OGT: variants seen among roughly 807,000 people sequenced by gnomAD.
OGT encodes O-linked N-acetylglucosamine (GlcNAc) transferase.
Under a neutral mutation model 75.8 loss-of-function variants are expected in OGT, and 3 were observed. The ratio of observed to expected loss-of-function variants is 0.04; its 90% CI spans 0.02 to 0.10. OGT has a LOEUF of 0.10. Ranked by LOEUF, OGT falls within the 10% of genes least tolerant of loss-of-function variation. The probability of loss-of-function intolerance (pLI) is 1.00; values close to 1 mark genes in which losing one functional copy is unlikely to be tolerated. For missense variants in OGT, 260 were observed against 824.4 expected, an observed-to-expected ratio of 0.32 and a Z score of 8.38; for synonymous variants, 257 against 289.7, an observed-to-expected ratio of 0.89 and a Z score of 1.15.
chrX:71,572,780 A>G (rs914329281), intron 21 of OGT, among the ~76,000 whole-genome samples: 2 of 112,017 alleles, frequency 1.8e-5, no homozygotes, highest in African/African-American at 3.2e-5. Flanking sequence ...AATTAAAAGA[A>G]AATAAATAAA....
chrX:71,538,475 G>C (rs1482729853), intron 3 of OGT, among the ~76,000 whole-genome samples: 1 of 112,219 alleles, frequency 8.9e-6, no homozygotes, highest in Non-Finnish European at 1.9e-5. Context: ...GAAACAAGAT[G>C]CCACTATATG....
At position 71,575,117 on chromosome X, in the gene OGT, G is replaced by A. The variant is rs1334409352; in HGVS notation, c.*1323G>A. On this transcript the variant is annotated 3_prime_UTR_variant, in exon 22 of 22. Coordinates refer to ENST00000373719, the MANE Select transcript of OGT (RefSeq NM_181672.3). ...ATAAAATTATGGGATCTCAACAAAG[G>A]GTCGAGGGTTTGAGGCTTAAACAAG... 1 of 110,918 alleles carries A rather than the reference G, an allele frequency of 9.0e-6. No homozygotes were observed. Among genetic ancestry groups the A allele is most frequent in the Non-Finnish European group, 1.9e-5 (1 of 52,948 alleles). 9.1% of individuals were successfully genotyped at this position (110,918 alleles called of 1,213,427 possible).
intron 3 of OGT, among the ~76,000 whole-genome samples, chrX:71,541,890 C>A (rs2040222051): frequency 9.0e-6 from 1 of 111,395 alleles, no homozygotes; most frequent in Admixed American, 9.6e-5. Context: ...ACAGGAAAAT[C>A]TTGCTCATTT....
chrX:71,556,881 G>T (rs1602148311), intron 9 of OGT, 71 bp from the exon 10 acceptor site: 2 of 1,109,752 alleles, frequency 1.8e-6, no homozygotes, highest in South Asian at 4.1e-5. Context: ...AATAACAACG[G>T]AATAAGTTAG....
chrX:71,556,589 G>A (rs2040345101), intron 8 of OGT, 91 bp from the exon 9 acceptor site: 1 of 487,068 alleles, frequency 2.1e-6, no homozygotes, highest in Non-Finnish European at 3.3e-6. Flanking sequence ...GGGTTTAAAT[G>A]TACTTGAGCA....
intron 5 of OGT, among the ~76,000 whole-genome samples, chrX:71,552,237 A>G (rs1439654266): frequency 9.1e-6 from 1 of 110,207 alleles, no homozygotes; most frequent in Non-Finnish European, 1.9e-5. Flanking sequence ...TCCAAAAATA[A>G]ATAATGAGTG....
intron 2 of OGT, among the ~76,000 whole-genome samples, chrX:71,537,441 A>T (rs1437009534): frequency 2.7e-5 from 3 of 111,191 alleles, no homozygotes; most frequent in African/African-American, 9.8e-5. Context: ...AGTTGAGATT[A>T]CAGGCGCCTG....
chrX:71,555,474 C>G, intron 7 of OGT, 89 bp downstream of exon 7: 3 of 853,686 alleles, frequency 3.5e-6, no homozygotes, highest in Non-Finnish European at 5.0e-6. Flanking sequence ...GTAATGCCAG[C>G]ACTTCGGGAG....
intron 1 of OGT, among the ~76,000 whole-genome samples, chrX:71,535,635 G>A (rs975527004): frequency 1.8e-5 from 2 of 111,603 alleles, no homozygotes; most frequent in Non-Finnish European, 3.8e-5. Context: ...TACAAAAATT[G>A]ATATAATTTA....
At chrX:71,555,134 TTG>T (rs376605851) in intron 6 of OGT, 54 bp from the exon 7 acceptor site, 36,389 of 497,969 alleles carry the variant, frequency 0.073, 253 homozygotes, top group Non-Finnish European at 0.084. Context: ...GAGTTACATT[TTG>T]TGTGTGTGTG....
chrX:71,564,454 G>C lies in OGT; in HGVS notation c.2437-147G>C, dbSNP rs1216076479. On this transcript the variant is annotated intron_variant, in intron 18 of 21. Coordinates refer to ENST00000373719, the MANE Select transcript of OGT (RefSeq NM_181672.3). Reference sequence around the variant, plus strand: ...CCCCAACTTAAGATAATGCTGCAACGGTTTGCCTTTTCTTAAACTTCATAT... The same window carrying C: ...CCCCAACTTAAGATAATGCTGCAACCGTTTGCCTTTTCTTAAACTTCATAT... 1.1e-5 allele frequency: 5 copies of C among 475,688 alleles called. No homozygotes were observed. In the African/African-American group the frequency reaches 1.3e-4, roughly 12 times the overall value. The allele number at this position is 475,688 out of a possible 1,213,427, so 39.2% of individuals were successfully genotyped here. A position where few individuals can be genotyped will look rare whatever the true frequency, so the allele number is the denominator to read the frequency against.
chrX:71,543,629 A>G (rs2040235670), intron 3 of OGT, among the ~76,000 whole-genome samples: 1 of 109,636 alleles, frequency 9.1e-6, no homozygotes, highest in Admixed American at 9.8e-5. Context: ...GCTCATAGGT[A>G]GTCATTTGCT....
chrX:71,546,110 G>C, intron 4 of OGT: 1 of 746,327 alleles, frequency 1.3e-6, no homozygotes, highest in Non-Finnish European at 1.6e-6. Context: ...AAATTAAGTT[G>C]TCTTTGTAGA....
intron 21 of OGT, among the ~76,000 whole-genome samples, chrX:71,572,296 C>A (rs1473769008): frequency 3.6e-5 from 4 of 112,022 alleles, no homozygotes; most frequent in African/African-American, 1.3e-4. Context: ...AAGTTTATTT[C>A]TTTTGCTGAG....
At position 71,573,625 on chromosome X, in the gene OGT, A is replaced by G. The variant is rs747528484; in HGVS notation, c.2972A>G (p.Lys991Arg). 8.4e-6 allele frequency: 10 copies of G among 1,190,581 alleles called. No homozygotes were observed. Among genetic ancestry groups the G allele is most frequent in the Non-Finnish European group, 1.1e-5 (10 of 887,336 alleles). The change falls in exon 22 of 22, where the codon AAG becomes AGG. Residue 991 changes from lysine (K) to arginine (R), a missense_variant. Lys to Arg is a conservative substitution (Grantham distance 26). This residue lies in a region of OGT where 34 missense variants were observed against 57.5 expected (regional missense o/e 0.59). Transcript: ENST00000373719. ...TCTTGTTTTTTATTACCCAGCCTGA[A>G]GAAAGTTCGTGGCAAAGTCTGGAAG... ...VKLGTDLEYL[K>R]KVRGKVWKQR...
intron 3 of OGT, among the ~76,000 whole-genome samples, chrX:71,541,544 G>T (rs2040219424): frequency 9.0e-6 from 1 of 111,506 alleles, no homozygotes; most frequent in Non-Finnish European, 1.9e-5. Flanking sequence ...ATAATTGTTG[G>T]AGAGTATTAA....
intron 11 of OGT, 89 bp from the exon 12 acceptor site, chrX:71,557,404 A>G: frequency 9.4e-7 from 1 of 1,067,811 alleles, no homozygotes; most frequent in Non-Finnish European, 1.3e-6. Flanking sequence ...TTAATAGGCT[A>G]TCTGACATTA....
chrX:71,540,645 A>G (rs2040210801), intron 3 of OGT, among the ~76,000 whole-genome samples: 1 of 109,111 alleles, frequency 9.2e-6, no homozygotes, highest in East Asian at 2.8e-4. Context: ...GGGTGTTTTC[A>G]TAATTTTGGT....
chrX:71,539,081 G>A (rs774502241), intron 3 of OGT, among the ~76,000 whole-genome samples: 19 of 112,500 alleles, frequency 1.7e-4, no homozygotes, highest in African/African-American at 6.1e-4. Context: ...TAAAACCTGA[G>A]TCTGAATATC....
Sources: gnomAD v4.1 joint callset for allele counts (sites outside exome capture counted in the v4.1 genomes callset) on GRCh38, gnomAD v4.1.1 for gene constraint, gnomAD v4.1.1 regional missense constraint, MANE v1.5 for transcripts, NCBI Gene and HGNC (gene_info 2026-07-23, HGNC 2026-07-21) for gene names.